Variants in HAGHL observed in about 807,000 individuals in gnomAD.
HAGHL encodes the protein hydroxyacylglutathione hydrolase-like protein.
Under a neutral mutation model 29.2 loss-of-function variants are expected in HAGHL, and 27 were observed. The observed-to-expected ratio is 0.92, with a 90% CI of 0.68 to 1.27. The LOEUF is 1.27. Ranked by LOEUF, HAGHL falls within the 50% of genes most tolerant of loss-of-function variation. The pLI is 0.00. For missense variants in HAGHL, 529 were observed against 405.5 expected (o/e 1.30, Z -2.62); for synonymous variants, 223 against 185.7 (o/e 1.20, Z -1.63).
Position 729,651 on chromosome 16 carries a change from G to A in HAGHL, c.*195G>A, listed in dbSNP as rs1332861585. On this transcript the variant is annotated 3_prime_UTR_variant, in exon 8 of 8. Coordinates refer to ENST00000389703, the MANE Select transcript of HAGHL (RefSeq NM_032304.4). ...TCAGTGGGGCCTGTGTGGGCGCCGA[G>A]ACCTGGGTGTCTGGGAAGTGGGGCA... 21 of 1,513,512 alleles carry A rather than the reference G, an allele frequency of 1.4e-5. No homozygotes were observed. The highest frequency in any genetic ancestry group is 1.8e-5 in the Non-Finnish European group (20 of 1,135,246). The allele number at this position is 1,513,512 out of a possible 1,614,324, so 93.8% of individuals were successfully genotyped here.
In HAGHL at chr16:727,634, C is replaced by A. The variant is rs375068226; in HGVS notation, c.105+20C>A. ...AAGAGGGTGAGGGCAGGCCGCGGGC[C>A]GCAGGGACCCGGCCGTGTCCCCCGA... On this transcript the variant is annotated intron_variant, in intron 1 of 7. Coordinates refer to ENST00000389703, the MANE Select transcript of HAGHL (RefSeq NM_032304.4). 3.9e-6 allele frequency: 6 copies of A among 1,527,712 alleles called. No homozygotes were observed. In the African/African-American group the frequency reaches 5.5e-5, roughly 14 times the overall value. 94.6% of individuals were successfully genotyped at this position (1,527,712 alleles called of 1,614,324 possible). A position where few individuals can be genotyped will look rare whatever the true frequency, so the allele number is the denominator to read the frequency against.
intron 1 of HAGHL, 120 bp downstream of exon 1, chr16:727,734 T>C: frequency 1.3e-6 from 1 of 742,408 alleles, no homozygotes; most frequent in Non-Finnish European, 2.2e-6. Flanking sequence ...CGGCTGGGGT[T>C]CCTTGTTTAT....
In HAGHL at chr16:729,071, C is replaced by A; in HGVS notation, c.663C>A (p.Asn221Lys). 2 of 1,609,622 alleles carry A rather than the reference C, an allele frequency of 1.2e-6. No individual in the cohort carries two copies. Among genetic ancestry groups the A allele is most frequent in the Non-Finnish European group, 1.7e-6 (2 of 1,179,798 alleles). The stretch of plus-strand genomic sequence containing the variant: ...CTCTGGGCGAGGAGCGCCTCTACAA[C>A]CCCTTCCTGCGGGTGGCGTGAGTAT... ...PSTLGEERLYNPFLRVAEEPV... is the reference protein window; with the variant it reads ...PSTLGEERLYKPFLRVAEEPV... The change falls in exon 7 of 8, where the codon AAC (asparagine) becomes AAA (lysine). Residue 221 changes from asparagine to lysine, a missense_variant. Asn to Lys is a moderately conservative substitution (Grantham distance 94). Coordinates refer to ENST00000389703, the MANE Select transcript of HAGHL (RefSeq NM_032304.4).
rs1376042262 is a variant in HAGHL at position 729,443 on chromosome 16, C to T, written c.836C>T (p.Ala279Val). The T allele has an allele frequency of 6.5e-7, 1 of 1,537,036 alleles. No individual in the cohort carries two copies. The change falls in exon 8 of 8, where the codon GCC (alanine) becomes GTC (valine). Residue 279 changes from alanine (A) to valine (V), a missense_variant. Coordinates refer to ENST00000389703, the MANE Select transcript of HAGHL (RefSeq NM_032304.4). ...LALQWGLLSA[A>V]PHD ...CTGCAGTGGGGGCTCCTGAGTGCAG[C>T]CCCACACGACTGAGCCACCCAGACC...
At chr16:727,690 G>A in intron 1 of HAGHL, 76 bp downstream of exon 1, 1 of 961,404 alleles carries the variant, frequency 1.0e-6, no homozygotes. Context: ...GTAGGAGCGA[G>A]CCCCCACGTG....
At chr16:728,479 G>A (rs749971818) in intron 4 of HAGHL, 25 bp from the exon 5 acceptor site, 2 of 1,516,088 alleles carry the variant, frequency 1.3e-6, no homozygotes, top group Non-Finnish European at 1.8e-6. Flanking sequence ...CGCCCCATCT[G>A]CTCTGACCCG....
rs369927182 is a variant in HAGHL, at chr16:727,539, G to A, written c.30G>A (p.Glu10=). The change falls in exon 1 of 8, where the codon GAG becomes GAA. Residue 10 remains glutamate (E), a synonymous_variant. Coordinates refer to ENST00000389703, the MANE Select transcript of HAGHL (RefSeq NM_032304.4). The part of the protein sequence containing the change: MKVKVIPVL[E]DNYMYLVIEE... ...AGGTCAAGGTCATCCCCGTGCTCGA[G>A]GACAACTACATGTACCTGGTCATCG... 2.5e-6 allele frequency: 4 copies of A among 1,611,544 alleles called. No individual in the cohort carries two copies. The highest frequency in any genetic ancestry group is 1.1e-5 in the South Asian group (1 of 90,930).
Position 728,500 on chromosome 16 carries a change from C to A in HAGHL, c.398-4C>A, listed in dbSNP as rs1344978968. ...ATCTGCTCTGACCCGCCCTCCCCCGCCAGGCGACGCGCTGTCGGTGGCCGG... is the reference window on the plus strand; with the variant it reads ...ATCTGCTCTGACCCGCCCTCCCCCGACAGGCGACGCGCTGTCGGTGGCCGG... On this transcript the variant is annotated splice_region_variant and splice_polypyrimidine_tract_variant and intron_variant, in intron 4 of 7. Coordinates refer to ENST00000389703, the MANE Select transcript of HAGHL (RefSeq NM_032304.4). The A allele has an allele frequency of 2.6e-6, 4 of 1,528,400 alleles. No individual in the cohort carries two copies. In the African/African-American group the frequency reaches 5.5e-5, roughly 21 times the overall value. 94.7% of individuals were successfully genotyped at this position (1,528,400 alleles called of 1,614,324 possible). A position where few individuals can be genotyped will look rare whatever the true frequency, so the allele number is the denominator to read the frequency against.
rs1358886542 is a variant in HAGHL, at chr16:728,149, G to A, written c.204G>A (p.Arg68=). The A allele has an allele frequency of 2.0e-6, 3 of 1,472,822 alleles. No individual in the cohort carries two copies. Among genetic ancestry groups the A allele is most frequent in the African/African-American group, 3.0e-5 (2 of 67,384 alleles). 91.2% of individuals were successfully genotyped at this position (1,472,822 alleles called of 1,614,324 possible). A position where few individuals can be genotyped will look rare whatever the true frequency, so the allele number is the denominator to read the frequency against. The change falls in exon 3 of 8, where the codon CGG becomes CGA. Residue 68 remains arginine (R), a synonymous_variant. Transcript: ENST00000389703. ...DHARGNPELA[R]LRPGLAVLGA... ...CGCGGGGAAACCCGGAGCTGGCGCG[G>A]CTTCGTCCCGGGCTGGCGGTGCTGG...
rs79437406 is a variant in HAGHL, at chr16:728,787, C to T, written c.499-7C>T. ...GCGTGCGCGCTCACCGAGCGCTCTT[C>T]CTCCAGAAGGTGTTCTGCGGCCACG... On this transcript the variant is annotated splice_region_variant and splice_polypyrimidine_tract_variant and intron_variant, in intron 5 of 7. Coordinates refer to ENST00000389703, the MANE Select transcript of HAGHL (RefSeq NM_032304.4). The T allele has an allele frequency of 6.8e-3, 11,016 of 1,611,288 alleles. 653 individuals carry two copies. In the African/African-American group the frequency reaches 0.13, roughly 19 times the overall value.
rs773015133 is a variant in HAGHL, at chr16:729,547, T to C, written c.*91T>C. 2.6e-6 allele frequency: 4 copies of C among 1,532,980 alleles called. No homozygotes were observed. The highest frequency in any genetic ancestry group is 1.2e-5 in the South Asian group (1 of 83,442). The allele number at this position is 1,532,980 out of a possible 1,614,324, so 95.0% of individuals were successfully genotyped here. A position where few individuals can be genotyped will look rare whatever the true frequency, so the allele number is the denominator to read the frequency against. On this transcript the variant is annotated 3_prime_UTR_variant, in exon 8 of 8. Coordinates refer to ENST00000389703, the MANE Select transcript of HAGHL (RefSeq NM_032304.4). ...CATGAGGGCCACCTCTGGAACCTTCTTCGAGGCCCTGGCCAGCCATCTGCC... is the reference window on the plus strand; with the variant it reads ...CATGAGGGCCACCTCTGGAACCTTCCTCGAGGCCCTGGCCAGCCATCTGCC...
Position 728,135 on chromosome 16 carries a change from C to T in HAGHL, c.190C>T (p.Pro64Ser). 1.4e-6 allele frequency: 2 copies of T among 1,475,864 alleles called. No individual in the cohort carries two copies. Among genetic ancestry groups the T allele is most frequent in the Non-Finnish European group, 1.8e-6 (2 of 1,119,770 alleles). 91.4% of individuals were successfully genotyped at this position (1,475,864 alleles called of 1,614,324 possible). A position where few individuals can be genotyped will look rare whatever the true frequency, so the allele number is the denominator to read the frequency against. The change falls in exon 3 of 8, where the codon CCG (proline) becomes TCG (serine). Residue 64 changes from proline (P) to serine (S), a missense_variant. Pro to Ser is a moderately conservative substitution (Grantham distance 74). Transcript: ENST00000389703. ...CCGCAGGGACCACGCGCGGGGAAACCCGGAGCTGGCGCGGCTTCGTCCCGG... is the reference window on the plus strand; with the variant it reads ...CCGCAGGGACCACGCGCGGGGAAACTCGGAGCTGGCGCGGCTTCGTCCCGG... ...HHHWDHARGNPELARLRPGLA... is the reference protein window; with the variant it reads ...HHHWDHARGNSELARLRPGLA...
Position 728,873 on chromosome 16 carries a change from G to C in HAGHL, c.578G>C (p.Arg193Thr), listed in dbSNP as rs374750763. Residue 193 changes from arginine to threonine, a missense_variant, in exon 6 of 8, where the codon AGA becomes ACA. Arg to Thr is a moderately conservative substitution (Grantham distance 71). Coordinates refer to ENST00000389703, the MANE Select transcript of HAGHL (RefSeq NM_032304.4). ...GTGGAGCCCTGCAACGACCACGTGA[G>C]AGCCAAGCTGTCCTGGGCTAAGGCA... ...QKVEPCNDHV[R>T]AKLSWAKKRD... 118 of 1,579,856 alleles carry C rather than the reference G, an allele frequency of 7.5e-5. No homozygotes were observed. Among genetic ancestry groups the C allele is most frequent in the Non-Finnish European group, 9.6e-5 (111 of 1,160,648 alleles).
At position 729,062 on chromosome 16, in the gene HAGHL, C is replaced by G; in HGVS notation, c.654C>G (p.Arg218=). 2 of 1,609,998 alleles carry G rather than the reference C, an allele frequency of 1.2e-6. No individual in the cohort carries two copies. The highest frequency in any genetic ancestry group is 1.7e-6 in the Non-Finnish European group (2 of 1,179,768). Residue 218 remains arginine (R), a synonymous_variant, in exon 7 of 8, where the codon CGC becomes CGG. Transcript: ENST00000389703. ...PTVPSTLGEE[R]LYNPFLRVAE... ...TGCCGTCGACTCTGGGCGAGGAGCGCCTCTACAACCCCTTCCTGCGGGTGG... is the reference window on the plus strand; with the variant it reads ...TGCCGTCGACTCTGGGCGAGGAGCGGCTCTACAACCCCTTCCTGCGGGTGG...
chr16:728,449 A>G, intron 4 of HAGHL, 25 bp downstream of exon 4: 1 of 1,044,444 alleles, frequency 9.6e-7, no homozygotes, highest in African/African-American at 2.4e-5. Context: ...GAGCGCGCCC[A>G]CCCCGCCTCC....
chr16:729,137 G>A (rs1168783180), intron 7 of HAGHL, 49 bp downstream of exon 7: 2 of 1,600,090 alleles, frequency 1.2e-6, no homozygotes, highest in South Asian at 1.1e-5. Context: ...TGGACCCTTA[G>A]GAAGGCATCT....
At chr16:727,781 C>T (rs2041085081) in intron 1 of HAGHL, 167 bp downstream of exon 1, 1 of 740,186 alleles carries the variant, frequency 1.4e-6, no homozygotes, top group Non-Finnish European at 2.2e-6. Flanking sequence ...CTCTGGCCTC[C>T]GCCCTTTCGC....
chr16:729,178 T>C (rs747147178), intron 7 of HAGHL, 90 bp downstream of exon 7: 1 of 1,574,702 alleles, frequency 6.4e-7, no homozygotes, highest in Non-Finnish European at 8.6e-7. Context: ...AGTGAGCATC[T>C]CTGGCTTGGG....
rs1376042262 is a variant in HAGHL at position 729,443 on chromosome 16, C to A, written c.836C>A (p.Ala279Asp). 1.3e-6 allele frequency: 2 copies of A among 1,537,036 alleles called. No homozygotes were observed. Among genetic ancestry groups the A allele is most frequent in the East Asian group, 2.4e-5 (1 of 40,888 alleles). The change falls in exon 8 of 8, where the codon GCC becomes GAC. Residue 279 changes from alanine to aspartate, a missense_variant. Ala to Asp is a moderately radical substitution (Grantham distance 126, BLOSUM62 -2). Coordinates refer to ENST00000389703, the MANE Select transcript of HAGHL (RefSeq NM_032304.4). The stretch of plus-strand genomic sequence containing the variant: ...CTGCAGTGGGGGCTCCTGAGTGCAG[C>A]CCCACACGACTGAGCCACCCAGACC... ...LALQWGLLSA[A>D]PHD
Sources: gnomAD v4.1 joint callset for allele counts on GRCh38, gnomAD v4.1.1 for gene constraint, MANE v1.5 for transcripts, NCBI Gene and HGNC (gene_info 2026-07-23, HGNC 2026-07-21) for gene names.